Variants in ZZZ3 observed in about 807,000 individuals in gnomAD.
ZZZ3 encodes the protein zinc finger ZZ-type containing 3.
ZZZ3 carries 22 observed loss-of-function variants against 95.2 expected under a neutral mutation model. That is an observed-to-expected ratio of 0.23 (90% confidence interval 0.17 to 0.33). The LOEUF is 0.33. Ranked by LOEUF, ZZZ3 falls within the 10% of genes least tolerant of loss-of-function variation. The probability of loss-of-function intolerance (pLI) is 1.00; values close to 1 mark genes in which losing one functional copy is unlikely to be tolerated. For missense variants in ZZZ3, 885 were observed against 1,066.5 expected (o/e 0.83, Z 2.37); for synonymous variants, 335 against 358.9 (o/e 0.93, Z 0.75).
chr1:77,636,800 C>T (rs900196420), intron 4 of ZZZ3, among the ~76,000 whole-genome samples: 2 of 146,750 alleles, frequency 1.4e-5, no homozygotes, highest in East Asian at 2.0e-4. Context: ...CTGATTAATA[C>T]AAAAGTTAAA....
chr1:77,653,926 C>G (rs534083937), intron 1 of ZZZ3, among the ~76,000 whole-genome samples: 1 of 152,030 alleles, frequency 6.6e-6, no homozygotes, highest in Non-Finnish European at 1.5e-5. Context: ...CGGTGGCTCA[C>G]GCCTGTAATC....
chr1:77,618,473 G>A (rs185479066), intron 5 of ZZZ3, among the ~76,000 whole-genome samples: 4 of 152,012 alleles, frequency 2.6e-5, no homozygotes, highest in Admixed American at 2.0e-4. Flanking sequence ...GGAAGAAAGT[G>A]TGCAAAAAAC....
At chr1:77,636,942 T>C (rs1668359469) in intron 4 of ZZZ3, among the ~76,000 whole-genome samples, 1 of 152,204 alleles carries the variant, frequency 6.6e-6, no homozygotes, top group South Asian at 2.1e-4. Context: ...TTCTGTGCTA[T>C]TGGGCTGTAT....
At chr1:77,649,948 T>A (rs1299065858) in intron 1 of ZZZ3, among the ~76,000 whole-genome samples, 1 of 152,090 alleles carries the variant, frequency 6.6e-6, no homozygotes, top group African/African-American at 2.4e-5. Flanking sequence ...CAATATACTG[T>A]ACAGTTTATA....
chr1:77,594,360 G>C (rs1346393475), intron 5 of ZZZ3, among the ~76,000 whole-genome samples: 1 of 151,950 alleles, frequency 6.6e-6, no homozygotes, highest in African/African-American at 2.4e-5. Context: ...AAAATTTTTA[G>C]GTACACCTAT....
chr1:77,581,140 C>T (rs572173357), intron 8 of ZZZ3, 71 bp from the exon 9 acceptor site: 43 of 1,166,490 alleles, frequency 3.7e-5, no homozygotes, highest in African/African-American at 2.2e-4. Context: ...CCAAATAACA[C>T]GCAAATTGTG....
chr1:77,661,980 CTT>C (rs397861463), intron 1 of ZZZ3, among the ~76,000 whole-genome samples: 42 of 134,936 alleles, frequency 3.1e-4, no homozygotes, highest in African/African-American at 6.9e-4. Flanking sequence ...TGATGCCTGG[CTT>C]TTTTTTTTTT....
intron 5 of ZZZ3, among the ~76,000 whole-genome samples, chr1:77,587,687 T>C (rs181362109): frequency 2.6e-5 from 4 of 152,260 alleles, no homozygotes; most frequent in Admixed American, 2.0e-4. Flanking sequence ...ATAGACAAGA[T>C]GGATGAGAAA....
At chr1:77,588,498 C>G (rs1663331240) in intron 5 of ZZZ3, among the ~76,000 whole-genome samples, 1 of 151,692 alleles carries the variant, frequency 6.6e-6, no homozygotes, top group Non-Finnish European at 1.5e-5. Flanking sequence ...AAGGGTCAAA[C>G]CAGGAGCAAA....
At chr1:77,657,279 G>A (rs1468265875) in intron 1 of ZZZ3, among the ~76,000 whole-genome samples, 1 of 152,178 alleles carries the variant, frequency 6.6e-6, no homozygotes, top group Non-Finnish European at 1.5e-5. Flanking sequence ...ACCGCACCCA[G>A]CCTAAAAACA....
chr1:77,622,845 T>C (rs530106895), intron 5 of ZZZ3, among the ~76,000 whole-genome samples: 10 of 152,262 alleles, frequency 6.6e-5, no homozygotes, highest in African/African-American at 1.9e-4. Context: ...CTTCAACTTC[T>C]TTAAAAAAAA....
chr1:77,616,930 T>C (rs1666374791), intron 5 of ZZZ3, among the ~76,000 whole-genome samples: 1 of 152,148 alleles, frequency 6.6e-6, no homozygotes, highest in African/African-American at 2.4e-5. Flanking sequence ...TCCCAATATA[T>C]GTACACTTAC....
At chr1:77,655,976 G>A (rs906817581) in intron 1 of ZZZ3, among the ~76,000 whole-genome samples, 9 of 152,198 alleles carry the variant, frequency 5.9e-5, no homozygotes, top group African/African-American at 1.9e-4. Context: ...AGTGTACTAT[G>A]TACTTATCAT....
chr1:77,644,295 C>T (rs973097726), intron 1 of ZZZ3, among the ~76,000 whole-genome samples: 4 of 151,980 alleles, frequency 2.6e-5, no homozygotes, highest in East Asian at 1.9e-4. Flanking sequence ...CAAATCCTGA[C>T]CTCAGGTGAT....
At chr1:77,664,668 T>C (rs1311235698) in intron 1 of ZZZ3, among the ~76,000 whole-genome samples, 2 of 152,222 alleles carry the variant, frequency 1.3e-5, no homozygotes, top group Non-Finnish European at 1.5e-5. Flanking sequence ...TTAGTTATCC[T>C]TGCCAGCTAA....
chr1:77,673,647 G>T (rs1570673088), intron 1 of ZZZ3, among the ~76,000 whole-genome samples: 1 of 152,094 alleles, frequency 6.6e-6, no homozygotes, highest in African/African-American at 2.4e-5. Context: ...CTTGAAAGGG[G>T]TTAATAAGCA....
intron 5 of ZZZ3, among the ~76,000 whole-genome samples, chr1:77,607,866 G>C (rs1053652266): frequency 2.0e-5 from 3 of 148,160 alleles, no homozygotes; most frequent in Non-Finnish European, 4.5e-5. Context: ...GTTGCAGTGA[G>C]TTGAGATCAT....
intron 1 of ZZZ3, among the ~76,000 whole-genome samples, chr1:77,670,752 AAAC>A (rs1671706096): frequency 6.6e-6 from 1 of 151,836 alleles, no homozygotes; most frequent in Non-Finnish European, 1.5e-5. Context: ...TTTTTAAACA[AAAC>A]AAAACAAAAA....
Position 77,632,799 on chromosome 1 carries a change from C to T in ZZZ3, c.556G>A (p.Gly186Arg). The T allele has an allele frequency of 1.9e-6, 3 of 1,614,194 alleles. No individual in the cohort carries two copies. The highest frequency in any genetic ancestry group is 2.5e-6 in the Non-Finnish European group (3 of 1,180,024). The part of the protein sequence containing the change: ...EIKKVNVSEE[G>R]PLNSAVVEEI... ...TCAACTACTGCAGAATTAAGTGGCCCTTCCTCACTGACATTCACCTTTTTA... is the reference window on the plus strand; with the variant it reads ...TCAACTACTGCAGAATTAAGTGGCCTTTCCTCACTGACATTCACCTTTTTA... Residue 186 changes from glycine to arginine, a missense_variant, in exon 5 of 15, where the codon GGG becomes AGG. Physicochemically the swap from Gly to Arg is moderately radical, Grantham distance 125. This residue lies in a region of ZZZ3 where 556 missense variants were observed against 652.9 expected (regional missense o/e 0.85). Coordinates refer to ENST00000370801, the MANE Select transcript of ZZZ3 (RefSeq NM_015534.6).
Sources: gnomAD v4.1 joint callset for allele counts (sites outside exome capture counted in the v4.1 genomes callset) on GRCh38, gnomAD v4.1.1 for gene constraint, gnomAD v4.1.1 regional missense constraint, MANE v1.5 for transcripts, NCBI Gene and HGNC (gene_info 2026-07-23, HGNC 2026-07-21) for gene names.